Variants in SMYD3 observed in about 807,000 individuals in gnomAD.
The protein encoded by SMYD3 is histone-lysine N-methyltransferase SMYD3.
SMYD3 carries 36 observed loss-of-function variants against 57.7 expected under a neutral mutation model. The ratio of observed to expected loss-of-function variants is 0.62; its 90% CI spans 0.48 to 0.82. SMYD3 has a LOEUF of 0.82. Among genes scored for constraint, SMYD3 ranks in the 40% least tolerant of loss-of-function variants. The pLI is 0.00. For missense variants in SMYD3, 515 were observed against 538.8 expected, an observed-to-expected ratio of 0.96 and a Z score of 0.44; for synonymous variants, 211 against 195.0, an observed-to-expected ratio of 1.08 and a Z score of -0.68.
At chr1:246,241,973 T>C (rs2063620212) in intron 5 of SMYD3, among the ~76,000 whole-genome samples, 1 of 152,116 alleles carries the variant, frequency 6.6e-6, no homozygotes, top group Non-Finnish European at 1.5e-5. Flanking sequence ...TCTATTTGAT[T>C]CTTCTCTCTA....
intron 5 of SMYD3, among the ~76,000 whole-genome samples, chr1:246,085,322 T>C (rs569847489): frequency 6.6e-6 from 1 of 152,278 alleles, no homozygotes; most frequent in South Asian, 2.1e-4. Flanking sequence ...CAGAGGTAGC[T>C]ACTGATGGGG....
chr1:246,507,050 G>C lies in SMYD3; in HGVS notation c.164+4C>G. The C allele has an allele frequency of 7.1e-7, 1 of 1,398,728 alleles. No individual in the cohort carries two copies. The highest frequency in any genetic ancestry group is 9.4e-7 in the Non-Finnish European group (1 of 1,065,036). The allele number at this position is 1,398,728 out of a possible 1,614,324, so 86.6% of individuals were successfully genotyped here. On this transcript the variant is annotated splice_donor_region_variant and intron_variant, in intron 1 of 11. Coordinates refer to ENST00000490107, the MANE Select transcript of SMYD3 (RefSeq NM_001167740.2). ...TCAGGTAGGCGAGGGCGCTCCTTAC[G>C]CACCCGAGAAGGCAGCGGTCGCAGA...
At position 246,274,694 on chromosome 1, in the gene SMYD3, C is replaced by T. The variant is rs896242131; in HGVS notation, c.531+52507G>A. On this transcript the variant is annotated intron_variant, in intron 5 of 11. Transcript: ENST00000490107. ...GAAATGCCTCCTAACAGACACAGGC[C>T]GTCCGAAGGTCAATCAAATCCCATG... Among the ~76,000 whole-genome samples the T allele has an allele frequency of 3.3e-5, 5 of 152,064 alleles. No individual in the cohort carries two copies. The South Asian group carries it at 6.2e-4, about 19-fold the overall frequency.
chr1:246,049,692 G>C lies in SMYD3; in HGVS notation c.532-119755C>G, dbSNP rs541577889. ...GCCAGTTCAGCTAGGCTAGGCTTCT[G>C]CCTGTAACTGAAAAACAAACTAGCA... is the stretch of plus-strand genomic sequence containing the variant. On this transcript the variant is annotated intron_variant, in intron 5 of 11. Transcript: ENST00000490107. 2.0e-5 allele frequency among the ~76,000 whole-genome samples: 3 copies of C among 152,252 alleles called. No individual in the cohort carries two copies. In the South Asian group the frequency reaches 6.2e-4, roughly 32 times the overall value.
chr1:246,288,062 CTTTTT>C (rs67603439), intron 5 of SMYD3, among the ~76,000 whole-genome samples: 4 of 64,216 alleles, frequency 6.2e-5, no homozygotes, highest in Admixed American at 4.2e-4. Flanking sequence ...TCAGGTAATT[CTTTTT>C]TTTTTTTTTT....
chr1:246,209,361 CTG>C (rs2148388362), intron 5 of SMYD3, among the ~76,000 whole-genome samples: 1 of 152,260 alleles, frequency 6.6e-6, no homozygotes, highest in Admixed American at 6.5e-5. Context: ...AATTATTTAT[CTG>C]TACTACAAAA....
chr1:246,083,278 T>TG (rs1232751617), intron 5 of SMYD3, among the ~76,000 whole-genome samples: 1 of 152,080 alleles, frequency 6.6e-6, no homozygotes, highest in Non-Finnish European at 1.5e-5. Context: ...GGGCTGGAGG[T>TG]GGGACATGCG....
intron 5 of SMYD3, among the ~76,000 whole-genome samples, chr1:246,026,539 G>T (rs1383880789): frequency 9.2e-5 from 14 of 152,092 alleles, no homozygotes. Flanking sequence ...TCACATTTTG[G>T]TAATTCTCAC....
rs192830809 is a variant in SMYD3, at chr1:245,932,821, C to T, written c.532-2884G>A. 2.6e-5 allele frequency among the ~76,000 whole-genome samples: 4 copies of T among 152,274 alleles called. No homozygotes were observed. The East Asian group carries it at 7.7e-4, about 29-fold the overall frequency. The stretch of plus-strand genomic sequence containing the variant: ...AAGTGGTCCTCCCGTCTCGGCTTCC[C>T]AAAATGCTGAGATTACAGGAGTGAG... On this transcript the variant is annotated intron_variant, in intron 5 of 11. Coordinates refer to ENST00000490107, the MANE Select transcript of SMYD3 (RefSeq NM_001167740.2).
At chr1:246,236,977 C>T (rs1235979969) in intron 5 of SMYD3, among the ~76,000 whole-genome samples, 1 of 152,140 alleles carries the variant, frequency 6.6e-6, no homozygotes, top group African/African-American at 2.4e-5. Flanking sequence ...GCTGTGCTGG[C>T]GTTTACTGCA....
intron 5 of SMYD3, among the ~76,000 whole-genome samples, chr1:246,264,546 TCAA>T (rs2064069246): frequency 6.6e-6 from 1 of 152,156 alleles, no homozygotes. Flanking sequence ...TTCTCACACA[TCAA>T]CAACATTCTA....
chr1:246,114,389 A>G (rs2061307805), intron 5 of SMYD3, among the ~76,000 whole-genome samples: 1 of 152,204 alleles, frequency 6.6e-6, no homozygotes, highest in Admixed American at 6.5e-5. Flanking sequence ...CCAACAAGGA[A>G]GAGGCCAGCC....
At chr1:245,814,084 G>C (rs1434215953) in intron 10 of SMYD3, among the ~76,000 whole-genome samples, 1 of 151,798 alleles carries the variant, frequency 6.6e-6, no homozygotes, top group Non-Finnish European at 1.5e-5. Flanking sequence ...AAGGCAAATT[G>C]ATATCCTCAC....
At chr1:246,235,731 A>T (rs530349172) in intron 5 of SMYD3, among the ~76,000 whole-genome samples, 3 of 152,172 alleles carry the variant, frequency 2.0e-5, no homozygotes, top group South Asian at 4.2e-4. Flanking sequence ...TAGGAAGGGG[A>T]GGGCTGGGGA....
intron 5 of SMYD3, among the ~76,000 whole-genome samples, chr1:246,288,524 T>C (rs1417804384): frequency 1.3e-5 from 2 of 151,972 alleles, no homozygotes; most frequent in East Asian, 3.9e-4. Flanking sequence ...AGTGGAGAGA[T>C]GGCAAGAATA....
chr1:245,917,952 T>C (rs2055569678), intron 7 of SMYD3, among the ~76,000 whole-genome samples: 1 of 152,162 alleles, frequency 6.6e-6, no homozygotes, highest in Admixed American at 6.5e-5. Context: ...TTTGAAATCA[T>C]AGTAGGGCAA....
In SMYD3 at chr1:246,083,273, G is replaced by T. The variant is rs766975927; in HGVS notation, c.532-153336C>A. 2.2e-3 allele frequency among the ~76,000 whole-genome samples: 339 copies of T among 152,326 alleles called. 2 individuals are homozygous for T. The highest frequency in any genetic ancestry group is 2.7e-3 in the Non-Finnish European group (183 of 68,030). ...GACAGGGGAAAACCGCCTTAGGGCT[G>T]GAGGTGGGACATGCGGGCAGCAATA... On this transcript the variant is annotated intron_variant, in intron 5 of 11. Transcript: ENST00000490107.
At chr1:246,267,258 ACAAAG>A (rs1360301710) in intron 5 of SMYD3, among the ~76,000 whole-genome samples, 2 of 152,246 alleles carry the variant, frequency 1.3e-5, no homozygotes. Context: ...CTAGATATAT[ACAAAG>A]CAAATGGTCA....
intron 5 of SMYD3, among the ~76,000 whole-genome samples, chr1:246,293,427 T>A (rs568030466): frequency 6.6e-6 from 1 of 152,296 alleles, no homozygotes; most frequent in Admixed American, 6.5e-5. Context: ...TGTAACTTAT[T>A]TTAAGCCAGT....
Sources: allele counts gnomAD v4.1 joint callset (sites outside exome capture counted in the v4.1 genomes callset), GRCh38; gene constraint gnomAD v4.1.1; transcripts MANE v1.5; gene names NCBI Gene and HGNC (gene_info 2026-07-23, HGNC 2026-07-21).